The following ATRNL1 variants were observed in gnomAD, a reference collection of about 807,000 sequenced individuals.
ATRNL1 encodes the protein attractin-like protein 1.
ATRNL1 carries 95 observed loss-of-function variants against 182.7 expected under a neutral mutation model. The ratio of observed to expected loss-of-function variants is 0.52; its 90% CI spans 0.44 to 0.62. ATRNL1 has a LOEUF of 0.62. Among genes scored for constraint, ATRNL1 ranks in the 20% least tolerant of loss-of-function variants. ATRNL1 has a pLI of 0.00. For missense variants in ATRNL1, 1,471 were observed against 1,679.5 expected, an observed-to-expected ratio of 0.88 and a Z score of 2.17; for synonymous variants, 576 against 568.3, an observed-to-expected ratio of 1.01 and a Z score of -0.19.
chr10:115,646,163 A>G (rs551233744), intron 26 of ATRNL1, among the ~76,000 whole-genome samples: 3 of 152,118 alleles, frequency 2.0e-5, no homozygotes, highest in African/African-American at 7.2e-5. Flanking sequence ...TTAAAATTAT[A>G]CTGATTTTTT....
At chr10:115,280,802 G>A (rs1554916549) in intron 13 of ATRNL1, among the ~76,000 whole-genome samples, 1 of 152,206 alleles carries the variant, frequency 6.6e-6, no homozygotes, top group Non-Finnish European at 1.5e-5. Context: ...ATGCATTAAA[G>A]CCTTGCAATA....
At chr10:115,572,154 C>G (rs1854430553) in intron 26 of ATRNL1, among the ~76,000 whole-genome samples, 1 of 152,004 alleles carries the variant, frequency 6.6e-6, no homozygotes, top group Admixed American at 6.6e-5. Flanking sequence ...AAATATATTA[C>G]AATTCATTTA....
At chr10:115,473,308 C>CT (rs1446602318) in intron 24 of ATRNL1, among the ~76,000 whole-genome samples, 6 of 151,000 alleles carry the variant, frequency 4.0e-5, no homozygotes, top group African/African-American at 1.2e-4. Flanking sequence ...TGTAATTTTT[C>CT]TTTTTTTTCC....
intron 26 of ATRNL1, among the ~76,000 whole-genome samples, chr10:115,723,896 G>T (rs1001734839): frequency 6.6e-5 from 10 of 152,014 alleles, no homozygotes; most frequent in African/African-American, 2.4e-4. Context: ...TTTTATAAGA[G>T]ATTTTGAATA....
intron 26 of ATRNL1, among the ~76,000 whole-genome samples, chr10:115,664,217 C>G (rs1860870719): frequency 6.6e-6 from 1 of 152,154 alleles, no homozygotes; most frequent in Non-Finnish European, 1.5e-5. Flanking sequence ...TAGGAAGCCT[C>G]ACAGTCAGTA....
intron 26 of ATRNL1, among the ~76,000 whole-genome samples, chr10:115,574,608 A>G (rs1312005602): frequency 1.6e-4 from 24 of 152,134 alleles, no homozygotes; most frequent in African/African-American, 3.4e-4. Flanking sequence ...ATGTGTTACC[A>G]TCTACTTCAA....
Position 115,946,325 on chromosome 10 carries a change from T to G in ATRNL1, c.*1546T>G, listed in dbSNP as rs1555125717. The stretch of plus-strand genomic sequence containing the variant: ...GCAGACTATGACCCTATTGTGATAT[T>G]AAGTGTTTATTTCATAATGCCATTT... On this transcript the variant is annotated 3_prime_UTR_variant, in exon 29 of 29. Transcript: ENST00000355044. The G allele has an allele frequency of 6.6e-6, 1 of 152,196 alleles. No individual in the cohort carries two copies. The highest frequency in any genetic ancestry group is 1.5e-5 in the Non-Finnish European group (1 of 68,034). 9.4% of individuals were successfully genotyped at this position (152,196 alleles called of 1,614,324 possible).
intron 26 of ATRNL1, among the ~76,000 whole-genome samples, chr10:115,709,266 A>G (rs1178204761): frequency 6.6e-6 from 1 of 151,926 alleles, no homozygotes; most frequent in Non-Finnish European, 1.5e-5. Context: ...AACACTCACT[A>G]CAATGCTAGA....
At chr10:115,881,240 A>C (rs1047408530) in intron 28 of ATRNL1, among the ~76,000 whole-genome samples, 3 of 152,186 alleles carry the variant, frequency 2.0e-5, no homozygotes, top group Non-Finnish European at 4.4e-5. Context: ...GGCCACCACT[A>C]GCTTTCATTG....
intron 27 of ATRNL1, among the ~76,000 whole-genome samples, chr10:115,777,869 T>C (rs1440035627): frequency 1.3e-5 from 2 of 152,216 alleles, no homozygotes; most frequent in Admixed American, 6.5e-5. Flanking sequence ...GTGAATAATA[T>C]AGATAATATG....
intron 26 of ATRNL1, among the ~76,000 whole-genome samples, chr10:115,598,924 T>G (rs2133937562): frequency 6.6e-6 from 1 of 152,288 alleles, no homozygotes; most frequent in Non-Finnish European, 1.5e-5. Context: ...TTGTGAATAT[T>G]TTCTGTTATA....
Position 115,627,326 on chromosome 10 carries a change from C to G in ATRNL1, c.3795+77790C>G, listed in dbSNP as rs186507167. ...TTTGTGTTTGGCTTCTTTCACTTAT[C>G]TTTACGTTTTTGAAGTTTATTCAGA... On this transcript the variant is annotated intron_variant, in intron 26 of 28. Transcript: ENST00000355044. 8.4e-4 allele frequency among the ~76,000 whole-genome samples: 128 copies of G among 152,104 alleles called. 1 individual carries two copies. Among genetic ancestry groups the G allele is most frequent in the Non-Finnish European group, 2.9e-4 (20 of 67,974 alleles).
At chr10:115,585,365 T>G (rs2133899304) in intron 26 of ATRNL1, among the ~76,000 whole-genome samples, 1 of 113,278 alleles carries the variant, frequency 8.8e-6, no homozygotes, top group Admixed American at 9.0e-5. Flanking sequence ...AGTCTCCCAT[T>G]ATTAATGTGT....
intron 28 of ATRNL1, among the ~76,000 whole-genome samples, chr10:115,928,808 A>C (rs1953311595): frequency 6.6e-6 from 1 of 152,032 alleles, no homozygotes; most frequent in Non-Finnish European, 1.5e-5. Context: ...ATAGGACTTA[A>C]TCAGTGTTTC....
intron 24 of ATRNL1, among the ~76,000 whole-genome samples, chr10:115,517,382 AT>A (rs1554984123): frequency 6.6e-6 from 1 of 151,838 alleles, no homozygotes; most frequent in African/African-American, 2.4e-5. Context: ...TTCTTACAGT[AT>A]TTTATATTTT....
intron 15 of ATRNL1, among the ~76,000 whole-genome samples, chr10:115,288,765 G>A (rs1033205058): frequency 7.2e-5 from 11 of 151,834 alleles, no homozygotes; most frequent in East Asian, 1.9e-4. Flanking sequence ...CAGGTAATCC[G>A]CCCACCATGG....
chr10:115,651,950 T>G (rs782716782), intron 26 of ATRNL1, among the ~76,000 whole-genome samples: 23 of 152,228 alleles, frequency 1.5e-4, no homozygotes, highest in African/African-American at 5.5e-4. Context: ...TTTAGTTAAC[T>G]ATTATAATAA....
intron 21 of ATRNL1, among the ~76,000 whole-genome samples, chr10:115,451,369 A>G (rs1485306412): frequency 1.3e-5 from 2 of 152,192 alleles, no homozygotes; most frequent in Admixed American, 6.5e-5. Context: ...CTATGCGTCT[A>G]TCAAAGATCT....
intron 17 of ATRNL1, among the ~76,000 whole-genome samples, chr10:115,306,833 A>G (rs1554926329): frequency 6.6e-6 from 1 of 152,214 alleles, no homozygotes; most frequent in African/African-American, 2.4e-5. Flanking sequence ...TGAGAACAAT[A>G]TAATTATACA....
Sources: gnomAD v4.1 joint callset for allele counts (sites outside exome capture counted in the v4.1 genomes callset) on GRCh38, gnomAD v4.1.1 for gene constraint, MANE v1.5 for transcripts, NCBI Gene and HGNC (gene_info 2026-07-23, HGNC 2026-07-21) for gene names.